KIF13A: variants seen among roughly 807,000 people sequenced by gnomAD.
KIF13A encodes kinesin family member 13A.
In KIF13A, 79 loss-of-function variants were observed where a neutral mutation model predicts 212.2. The ratio of observed to expected loss-of-function variants is 0.37; its 90% confidence interval spans 0.31 to 0.45. The LOEUF (loss-of-function observed/expected upper bound fraction) is 0.45, where lower values mean the gene tolerates loss of function less well. Ranked by LOEUF, KIF13A falls within the 20% of genes least tolerant of loss-of-function variation. The pLI, the probability that KIF13A is intolerant of heterozygous loss-of-function variation, is 1.00. For synonymous variants in KIF13A, 789 were observed against 808.6 expected, an observed-to-expected ratio of 0.98 and a Z score of 0.41; for missense variants, 1,901 against 2,209.0, an observed-to-expected ratio of 0.86 and a Z score of 2.79.
intron 2 of KIF13A, among the ~76,000 whole-genome samples, chr6:17,948,090 T>C (rs1391098049): frequency 6.6e-6 from 1 of 152,212 alleles, no homozygotes; most frequent in Non-Finnish European, 1.5e-5. Context: ...GAGAATATAC[T>C]TTTAATGCCT....
chr6:17,788,803 C>T (rs888335369), intron 26 of KIF13A, among the ~76,000 whole-genome samples: 1 of 152,172 alleles, frequency 6.6e-6, no homozygotes, highest in African/African-American at 2.4e-5. Context: ...CGGCTCACTG[C>T]AACCTCTGCC....
intron 2 of KIF13A, among the ~76,000 whole-genome samples, chr6:17,927,846 C>T (rs1775618637): frequency 6.6e-6 from 1 of 152,184 alleles, no homozygotes; most frequent in Non-Finnish European, 1.5e-5. Context: ...CAAGCAACTT[C>T]CACCTGGCAG....
chr6:17,836,685 G>A lies in KIF13A; in HGVS notation c.1155+193C>T, dbSNP rs1310854731. 9.2e-5 allele frequency among the ~76,000 whole-genome samples: 14 copies of A among 152,070 alleles called. No homozygotes were observed. In the South Asian group the frequency reaches 1.0e-3, roughly 11 times the overall value. ...CACGAGAACAGCAAGGGGGAAGTTCGCCCCCATGATCCAATCACCTCCTAC... is the reference window on the plus strand; with the variant it reads ...CACGAGAACAGCAAGGGGGAAGTTCACCCCCATGATCCAATCACCTCCTAC... On this transcript the variant is annotated intron_variant, in intron 11 of 38. Transcript: ENST00000259711.
chr6:17,976,801 CAAAAAAAAA>C (rs998413837), intron 2 of KIF13A, among the ~76,000 whole-genome samples: 1 of 98,728 alleles, frequency 1.0e-5, no homozygotes, highest in African/African-American at 3.7e-5. Context: ...GACTCCATCT[CAAAAAAAAA>C]AAAAAAAAAG....
chr6:17,800,169 G>A lies in KIF13A; in HGVS notation c.2455-56C>T, dbSNP rs1762363035. ...GAACAGACATCCTGTGGGCAACCTC[G>A]ACCCAAGACAGACGTGCCTTCTACA... On this transcript the variant is annotated intron_variant, in intron 20 of 38. Transcript: ENST00000259711. The A allele has an allele frequency of 8.4e-6, 13 of 1,541,676 alleles. No individual in the cohort carries two copies. In the South Asian group the frequency reaches 1.4e-4, roughly 17 times the overall value.
rs1434279003 is a variant in KIF13A, at chr6:17,851,942, A to G, written c.582+13T>C. The stretch of plus-strand genomic sequence containing the variant: ...AGTCAGCTTTTAATCACATTTTAAA[A>G]AAAATGACTTACCTCAAAACTAGTG... On this transcript the variant is annotated intron_variant, in intron 7 of 38. Coordinates refer to ENST00000259711, the MANE Select transcript of KIF13A (RefSeq NM_022113.6). 14 of 1,426,072 alleles carry G rather than the reference A, an allele frequency of 9.8e-6. No individual in the cohort carries two copies. Among genetic ancestry groups the G allele is most frequent in the Non-Finnish European group, 1.3e-5 (14 of 1,066,436 alleles). 88.3% of individuals were successfully genotyped at this position (1,426,072 alleles called of 1,614,324 possible).
rs1302490825 is a variant in KIF13A, at chr6:17,826,782, AATT to A, written c.1533-661_1533-659del. On this transcript the variant is annotated intron_variant, in intron 14 of 38. Coordinates refer to ENST00000259711, the MANE Select transcript of KIF13A (RefSeq NM_022113.6). This position sits in a 1 kb window ranked among gnomAD's most constrained non-coding sequence, Gnocchi z 4.7. ...ACTGGCTATATGAAGATTAGTAACG[AATT>A]ATTATTAATTATTTTAGGTATGATG... Among the ~76,000 whole-genome samples, 1 of 151,770 alleles carries A rather than the reference AATT, an allele frequency of 6.6e-6. No individual in the cohort carries two copies. Among genetic ancestry groups the A allele is most frequent in the Non-Finnish European group, 1.5e-5 (1 of 67,982 alleles).
chr6:17,837,177 T>C lies in KIF13A; in HGVS notation c.943-87A>G. On this transcript the variant is annotated intron_variant, in intron 10 of 38. Coordinates refer to ENST00000259711, the MANE Select transcript of KIF13A (RefSeq NM_022113.6). The surrounding 1 kb of genome is among the most constrained non-coding windows in gnomAD (Gnocchi z 5.4). ...AGCACTAAATGTGTTAGGTATGACA[T>C]TATTCTCTATGAAGGAAACATTATG... 1 of 1,128,264 alleles carries C rather than the reference T, an allele frequency of 8.9e-7. No homozygotes were observed. The highest frequency in any genetic ancestry group is 2.4e-5 in the East Asian group (1 of 42,326). The allele number at this position is 1,128,264 out of a possible 1,614,324, so 69.9% of individuals were successfully genotyped here.
intron 2 of KIF13A, among the ~76,000 whole-genome samples, chr6:17,956,423 T>C (rs908550160): frequency 2.6e-5 from 4 of 152,212 alleles, no homozygotes; most frequent in Non-Finnish European, 4.4e-5. Context: ...TGATTAGCAG[T>C]CTTGTCCATC....
rs773003681 is a variant in KIF13A, at chr6:17,900,146, T to C, written c.147-1966A>G. ...TAATTAAATATAGGTTTCCCATTTA[T>C]GTTATGATGAACCCAGTAACCCAAC... On this transcript the variant is annotated intron_variant, in intron 2 of 38. Transcript: ENST00000259711. This position sits in a 1 kb window ranked among gnomAD's most constrained non-coding sequence, Gnocchi z 4.6. 2.0e-5 allele frequency among the ~76,000 whole-genome samples: 3 copies of C among 152,186 alleles called. No individual in the cohort carries two copies. The highest frequency in any genetic ancestry group is 4.4e-5 in the Non-Finnish European group (3 of 68,032).
intron 2 of KIF13A, chr6:17,936,344 T>C (rs1292908544): frequency 5.7e-6 from 1 of 174,712 alleles, no homozygotes; most frequent in Admixed American, 5.7e-5. Flanking sequence ...AGATGGGGTT[T>C]CACCATGGTG....
At chr6:17,873,354 A>C (rs989645017) in intron 4 of KIF13A, 23 bp downstream of exon 4, 2 of 1,538,080 alleles carry the variant, frequency 1.3e-6, no homozygotes, top group Admixed American at 1.8e-5. Context: ...CCCAACTGTC[A>C]GGTGTAGAGG....
chr6:17,843,420 A>G lies in KIF13A; in HGVS notation c.831-5837T>C, dbSNP rs1445767473. 6.6e-6 allele frequency among the ~76,000 whole-genome samples: 1 copy of G among 152,196 alleles called. No homozygotes were observed. The highest frequency in any genetic ancestry group is 2.4e-5 in the African/African-American group (1 of 41,444). The stretch of plus-strand genomic sequence containing the variant: ...GTTCTGGCCAAGGAGATGTAGGTAA[A>G]CATTACTGGGTGGGGCTTCCAAGAA... On this transcript the variant is annotated intron_variant, in intron 9 of 38. Transcript: ENST00000259711. The surrounding 1 kb of genome is among the most constrained non-coding windows in gnomAD (Gnocchi z 5.3).
At position 17,837,146 on chromosome 6, in the gene KIF13A, G is replaced by C; in HGVS notation, c.943-56C>G. 7.0e-6 allele frequency: 10 copies of C among 1,423,854 alleles called. No homozygotes were observed. Among genetic ancestry groups the C allele is most frequent in the Non-Finnish European group, 8.9e-6 (9 of 1,012,576 alleles). The allele number at this position is 1,423,854 out of a possible 1,614,324, so 88.2% of individuals were successfully genotyped here. A position where few individuals can be genotyped will look rare whatever the true frequency, so the allele number is the denominator to read the frequency against. ...AGCCCATTCCATGGACAACACATAT[G>C]ATAAAAGCACTAAATGTGTTAGGTA... On this transcript the variant is annotated intron_variant, in intron 10 of 38. Coordinates refer to ENST00000259711, the MANE Select transcript of KIF13A (RefSeq NM_022113.6). The surrounding 1 kb of genome is among the most constrained non-coding windows in gnomAD (Gnocchi z 5.4).
intron 33 of KIF13A, among the ~76,000 whole-genome samples, chr6:17,778,116 C>G (rs558492485): frequency 6.6e-6 from 1 of 151,868 alleles, no homozygotes; most frequent in Admixed American, 6.6e-5. Context: ...CCAGCCTGAG[C>G]GACAGAGCAA....
chr6:17,952,740 C>T (rs1388753225), intron 2 of KIF13A, among the ~76,000 whole-genome samples: 1 of 151,784 alleles, frequency 6.6e-6, no homozygotes. Flanking sequence ...ACCATCCTGG[C>T]TAACACGGTG....
intron 2 of KIF13A, among the ~76,000 whole-genome samples, chr6:17,941,694 G>A (rs1776968331): frequency 1.3e-5 from 2 of 151,552 alleles, no homozygotes; most frequent in Non-Finnish European, 2.9e-5. Flanking sequence ...CCAGGGTAGT[G>A]AGAAAATATT....
intron 9 of KIF13A, among the ~76,000 whole-genome samples, chr6:17,840,200 A>G (rs938103346): frequency 3.5e-4 from 54 of 152,300 alleles, no homozygotes; most frequent in African/African-American, 1.2e-3. Context: ...TGAATTGAAC[A>G]CTTTACAATG....
intron 3 of KIF13A, among the ~76,000 whole-genome samples, chr6:17,882,586 G>T (rs555524815): frequency 6.7e-6 from 1 of 149,352 alleles, no homozygotes; most frequent in African/African-American, 2.5e-5. Flanking sequence ...TTTTTTGATG[G>T]AGTCTTGCTC....
Sources: gnomAD v4.1 joint callset for allele counts (sites outside exome capture counted in the v4.1 genomes callset) on GRCh38, gnomAD v4.1.1 for gene constraint, Gnocchi (gnomAD v3.1) non-coding constraint, MANE v1.5 for transcripts, NCBI Gene and HGNC (gene_info 2026-07-23, HGNC 2026-07-21) for gene names.